Variants in SNX29 observed in about 807,000 individuals in gnomAD.
SNX29 encodes the protein sorting nexin-29.
In SNX29, 78 loss-of-function variants were observed where a neutral mutation model predicts 102.1. The ratio of observed to expected loss-of-function variants is 0.76; its 90% CI spans 0.64 to 0.92. SNX29 has a LOEUF of 0.92. Ranked by LOEUF, SNX29 falls within the 40% of genes least tolerant of loss-of-function variation. The pLI, the probability that SNX29 is intolerant of heterozygous loss-of-function variation, is 0.00. For synonymous variants in SNX29, 580 were observed against 414.5 expected (o/e 1.40, Z -4.85); for missense variants, 1,280 against 1,061.7 (o/e 1.21, Z -2.86).
At chr16:12,534,370 C>T (rs867081243) in intron 20 of SNX29, among the ~76,000 whole-genome samples, 62 of 152,232 alleles carry the variant, frequency 4.1e-4, no homozygotes, top group African/African-American at 1.2e-3. Context: ...GCACCTCTCA[C>T]ACCTTCTCTG....
Position 12,521,710 on chromosome 16 carries a change from C to T in SNX29, c.2179-2992C>T, listed in dbSNP as rs563723365. On this transcript the variant is annotated intron_variant, in intron 19 of 20. Transcript: ENST00000566228. Reference sequence around the variant, plus strand: ...TTCATGAGCTCCGTTGGGCACTAGCCAGGCATCTTAACCACCTTCCCAAGG... The same window carrying T: ...TTCATGAGCTCCGTTGGGCACTAGCTAGGCATCTTAACCACCTTCCCAAGG... Among the ~76,000 whole-genome samples the T allele has an allele frequency of 2.0e-5, 3 of 152,296 alleles. No homozygotes were observed. In the South Asian group the frequency reaches 6.2e-4, roughly 32 times the overall value.
chr16:12,573,331 T>G lies in SNX29; in HGVS notation c.*4702T>G. 2 of 226,112 alleles carry G rather than the reference T, an allele frequency of 8.8e-6. No individual in the cohort carries two copies. The highest frequency in any genetic ancestry group is 1.3e-4 in the East Asian group (2 of 15,672). The allele number at this position is 226,112 out of a possible 1,614,324, so 14.0% of individuals were successfully genotyped here. A position where few individuals can be genotyped will look rare whatever the true frequency, so the allele number is the denominator to read the frequency against. On this transcript the variant is annotated 3_prime_UTR_variant, in exon 21 of 21. Transcript: ENST00000566228. ...CCCGATTTGGGTACTCTGAATTATG[T>G]CATGGAGTAGACAGTTACTTCTAAA...
intron 14 of SNX29, 42 bp from the exon 15 acceptor site, chr16:12,277,891 A>G: frequency 1.3e-6 from 2 of 1,526,218 alleles, no homozygotes; most frequent in Non-Finnish European, 1.8e-6. Flanking sequence ...ATAATTTTCG[A>G]TACTGTTGAA....
chr16:12,533,169 C>A (rs148771833), intron 20 of SNX29, among the ~76,000 whole-genome samples: 1 of 152,244 alleles, frequency 6.6e-6, no homozygotes, highest in African/African-American at 2.4e-5. Context: ...TCTCTCTGAA[C>A]AAACTGGATT....
At chr16:12,473,972 A>C (rs2087475823) in intron 18 of SNX29, among the ~76,000 whole-genome samples, 1 of 152,132 alleles carries the variant, frequency 6.6e-6, no homozygotes, top group African/African-American at 2.4e-5. Flanking sequence ...TTATTCCTTT[A>C]CTTTCCTAAT....
At chr16:12,408,492 C>T (rs984932423) in intron 18 of SNX29, among the ~76,000 whole-genome samples, 11 of 152,252 alleles carry the variant, frequency 7.2e-5, no homozygotes, top group African/African-American at 2.7e-4. Flanking sequence ...TGAGCAATGT[C>T]AGGGTCCCAG....
At chr16:12,309,129 T>A (rs555861609) in intron 15 of SNX29, among the ~76,000 whole-genome samples, 1 of 152,206 alleles carries the variant, frequency 6.6e-6, no homozygotes, top group African/African-American at 2.4e-5. Flanking sequence ...TCTGCAACCC[T>A]GCTGTGATTT....
chr16:12,398,533 C>G, intron 17 of SNX29, 32 bp downstream of exon 17: 3 of 1,612,844 alleles, frequency 1.9e-6, no homozygotes, highest in Non-Finnish European at 2.5e-6. Context: ...ACAAGGGGTC[C>G]TTTAGAAACT....
chr16:12,302,367 T>C (rs747665916), intron 15 of SNX29, among the ~76,000 whole-genome samples: 1 of 152,258 alleles, frequency 6.6e-6, no homozygotes, highest in African/African-American at 2.4e-5. Flanking sequence ...CATTATTGAT[T>C]GTGTTATCTA....
At chr16:12,426,872 A>T (rs907028406) in intron 18 of SNX29, among the ~76,000 whole-genome samples, 1 of 151,944 alleles carries the variant, frequency 6.6e-6, no homozygotes, top group African/African-American at 2.4e-5. Flanking sequence ...TGCCATGTTG[A>T]CCAGGCTGGT....
chr16:12,278,000 A>G lies in SNX29; in HGVS notation c.1746A>G (p.Glu582=). 6.2e-7 allele frequency: 1 copy of G among 1,606,580 alleles called. No homozygotes were observed. The highest frequency in any genetic ancestry group is 8.5e-7 in the Non-Finnish European group (1 of 1,176,450). ...AACAGAAGCCGGGAGAAATTGCTGA[A>G]GAACTCGCAAGCTCCTACGAAAGAA... ...VAEQKPGEIA[E]ELASSYERKL... is the part of the protein sequence containing the mutation. The change falls in exon 15 of 21, where the codon GAA becomes GAG. Residue 582 remains glutamate, a synonymous_variant. Transcript: ENST00000566228.
intron 18 of SNX29, among the ~76,000 whole-genome samples, chr16:12,468,285 A>C (rs1371659970): frequency 7.2e-6 from 1 of 139,362 alleles, no homozygotes; most frequent in Non-Finnish European, 1.5e-5. Flanking sequence ...GGCAGTTCTC[A>C]TGTCTCAGCC....
intron 14 of SNX29, among the ~76,000 whole-genome samples, chr16:12,244,379 T>C (rs963864099): frequency 2.6e-5 from 4 of 152,110 alleles, no homozygotes; most frequent in African/African-American, 9.7e-5. Flanking sequence ...GAAGCTGAGA[T>C]GGGAAGATCA....
At chr16:12,564,954 C>T (rs1460825656) in intron 20 of SNX29, among the ~76,000 whole-genome samples, 3 of 144,902 alleles carry the variant, frequency 2.1e-5, no homozygotes, top group South Asian at 4.5e-4. Context: ...AAAAAAAAGG[C>T]TGTCATTGTA....
chr16:12,277,361 G>A (rs949623743), intron 14 of SNX29, among the ~76,000 whole-genome samples: 7 of 151,926 alleles, frequency 4.6e-5, no homozygotes, highest in Non-Finnish European at 8.8e-5. Context: ...ATGATTGATT[G>A]TGCCACTATA....
At chr16:12,298,349 G>C (rs763283537) in intron 15 of SNX29, among the ~76,000 whole-genome samples, 2 of 152,276 alleles carry the variant, frequency 1.3e-5, no homozygotes, top group Admixed American at 1.3e-4. Flanking sequence ...CTCATCCCCT[G>C]GATGGTTTTC....
rs532898693 is a variant in SNX29, at chr16:12,094,400, G to A, written c.1402+15485G>A. ...GAATCTTCCTGAAAACAACATCTGGGCCTTATTGTTGAACTGCAAATAGGT... is the reference window on the plus strand; with the variant it reads ...GAATCTTCCTGAAAACAACATCTGGACCTTATTGTTGAACTGCAAATAGGT... On this transcript the variant is annotated intron_variant, in intron 11 of 20. Transcript: ENST00000566228. 2.6e-5 allele frequency among the ~76,000 whole-genome samples: 4 copies of A among 152,250 alleles called. No individual in the cohort carries two copies. The South Asian group carries it at 8.3e-4, about 32-fold the overall frequency.
chr16:12,414,199 G>A (rs2084529883), intron 18 of SNX29, among the ~76,000 whole-genome samples: 1 of 152,124 alleles, frequency 6.6e-6, no homozygotes, highest in African/African-American at 2.4e-5. Context: ...GATACGGAGG[G>A]CTGACTGTAT....
chr16:12,530,449 T>C (rs1212713743), intron 20 of SNX29, among the ~76,000 whole-genome samples: 1 of 152,124 alleles, frequency 6.6e-6, no homozygotes, highest in Non-Finnish European at 1.5e-5. Context: ...CACCTACCCT[T>C]GCACTCACTG....
Sources: allele counts gnomAD v4.1 joint callset (sites outside exome capture counted in the v4.1 genomes callset), GRCh38; gene constraint gnomAD v4.1.1; transcripts MANE v1.5; gene names NCBI Gene and HGNC (gene_info 2026-07-23, HGNC 2026-07-21).